ARSL: variants seen among roughly 807,000 people sequenced by gnomAD.
ARSL encodes the protein arylsulfatase L.
A neutral mutation model predicts 31.1 loss-of-function variants in ARSL; 4 were observed. The ratio of observed to expected loss-of-function variants is 0.13; its 90% CI spans 0.06 to 0.29. ARSL has a LOEUF of 0.29. ARSL is among the 10% of genes least tolerant of loss of function. The pLI is 1.00. For synonymous variants in ARSL, 198 were observed against 209.9 expected, an observed-to-expected ratio of 0.94 and a Z score of 0.49; for missense variants, 312 against 497.8, an observed-to-expected ratio of 0.63 and a Z score of 3.55.
intron 4 of ARSL, among the ~76,000 whole-genome samples, chrX:2,953,922 T>C (rs1192906349): frequency 9.0e-6 from 1 of 111,065 alleles, no homozygotes; most frequent in Non-Finnish European, 1.9e-5. Flanking sequence ...GGTCTCACTA[T>C]GTTGCCCAGG....
At chrX:2,962,207 G>A (rs772126653) in intron 1 of ARSL, among the ~76,000 whole-genome samples, 47 of 111,678 alleles carry the variant, frequency 4.2e-4, no homozygotes, top group Non-Finnish European at 8.1e-4. Context: ...TTGGGCACAC[G>A]TTCTTGGGTC....
intron 6 of ARSL, 91 bp downstream of exon 6, chrX:2,949,213 G>A (rs1256299721): frequency 1.4e-5 from 15 of 1,090,417 alleles, no homozygotes; most frequent in East Asian, 3.0e-5. Flanking sequence ...TTACAGGAAT[G>A]AGCCACCATG....
At chrX:2,936,683 CT>C in intron 10 of ARSL, 58 bp downstream of exon 10, 1 of 1,198,771 alleles carries the variant, frequency 8.3e-7, no homozygotes, top group Non-Finnish European at 1.1e-6. Flanking sequence ...GGGCATGGTG[CT>C]TTCCTGCACA....
intron 3 of ARSL, among the ~76,000 whole-genome samples, chrX:2,957,020 G>C (rs2089533565): frequency 9.4e-6 from 1 of 106,419 alleles, no homozygotes; most frequent in Admixed American, 1.0e-4. Context: ...AGGAGATTGA[G>C]ACCATCCTGG....
At position 2,949,224 on chromosome X, in the gene ARSL, C is replaced by A. The variant is rs142921008; in HGVS notation, c.854+80G>T. 5.3e-3 allele frequency: 6,019 copies of A among 1,129,843 alleles called. 33 individuals are homozygous for A. The highest frequency in any genetic ancestry group is 0.04 in the East Asian group (1,321 of 33,209). 93.1% of individuals were successfully genotyped at this position (1,129,843 alleles called of 1,213,427 possible). The stretch of plus-strand genomic sequence containing the variant: ...GGGATTACAGGAATGAGCCACCATG[C>A]CTGACTGAAGAAGACTATTTAGGAT... On this transcript the variant is annotated intron_variant, in intron 6 of 10. Coordinates refer to ENST00000381134, the MANE Select transcript of ARSL (RefSeq NM_000047.3).
chrX:2,946,020 T>C lies in ARSL; in HGVS notation c.969A>G (p.Val323=). The change falls in exon 7 of 11, where the codon GTA becomes GTG. Residue 323 remains valine, a synonymous_variant. Transcript: ENST00000381134. The part of the protein sequence containing the change: ...KSLHGLYGDN[V]EEMDWMVGRI... The stretch of plus-strand genomic sequence containing the variant: ...TACCTACCATCCAGTCCATCTCCTC[T>C]ACGTTGTCCCCATACAGCCCGTGGA... The C allele has an allele frequency of 1.7e-6, 2 of 1,211,472 alleles. No individual in the cohort carries two copies. Among genetic ancestry groups the C allele is most frequent in the Non-Finnish European group, 2.2e-6 (2 of 895,316 alleles).
At chrX:2,959,959 GAA>G in intron 2 of ARSL, 1 of 209,906 alleles carries the variant, frequency 4.8e-6, no homozygotes, top group Non-Finnish European at 8.5e-6. Flanking sequence ...AAGAAAGAAA[GAA>G]AGAAAGAGAA....
upstream of ARSL, among the ~76,000 whole-genome samples, chrX:2,966,076 C>A (rs1006242273): frequency 8.9e-6 from 1 of 112,065 alleles, no homozygotes; most frequent in African/African-American, 3.2e-5. Context: ...TGTCTCTTCG[C>A]AACTTCATAT....
At chrX:2,960,512 G>A in intron 1 of ARSL, 92 bp from the exon 2 acceptor site, 2 of 886,892 alleles carry the variant, frequency 2.3e-6, no homozygotes, top group Non-Finnish European at 3.2e-6. Flanking sequence ...GGGGAACTTT[G>A]ATTCCCGTTC....
chrX:2,950,189 G>C (rs2089443259), intron 5 of ARSL, among the ~76,000 whole-genome samples: 1 of 111,027 alleles, frequency 9.0e-6, no homozygotes, highest in Non-Finnish European at 1.9e-5. Flanking sequence ...GTTGTCCTCT[G>C]TGTGTGTCTG....
chrX:2,940,013 G>A (rs1339635215), intron 8 of ARSL, among the ~76,000 whole-genome samples: 19 of 108,425 alleles, frequency 1.8e-4, no homozygotes, highest in Admixed American at 1.6e-3. Context: ...GATTACAGGC[G>A]TGCACCACCA....
chrX:2,935,384 G>A (rs1257084028), intron 10 of ARSL, among the ~76,000 whole-genome samples, 194 bp from the exon 11 acceptor site: 1 of 112,307 alleles, frequency 8.9e-6, no homozygotes, highest in Non-Finnish European at 1.9e-5. Flanking sequence ...GACACAGGCT[G>A]CAACATCAAC....
chrX:2,966,204 C>T (rs888192952), upstream of ARSL, among the ~76,000 whole-genome samples: 4 of 111,412 alleles, frequency 3.6e-5, no homozygotes, highest in Admixed American at 2.9e-4. Flanking sequence ...TGGCACACTC[C>T]AGCCTGACTC....
At chrX:2,964,010 G>C (rs1212138901) in intron 1 of ARSL, among the ~76,000 whole-genome samples, 2 of 111,556 alleles carry the variant, frequency 1.8e-5, no homozygotes, top group East Asian at 5.6e-4. Context: ...GCCTGCCCAA[G>C]GCCTCTCCTG....
At chrX:2,968,156 G>A (rs2089712703), upstream of ARSL, 11 of 1,153,410 alleles carry the variant, frequency 9.5e-6, no homozygotes, top group Admixed American at 5.2e-5. Context: ...TACCTGACAT[G>A]CAGCTGTGTA....
chrX:2,960,525 G>T, intron 1 of ARSL, 105 bp from the exon 2 acceptor site: 1 of 742,964 alleles, frequency 1.3e-6, no homozygotes, highest in Non-Finnish European at 2.0e-6. Context: ...TCCCGTTCAT[G>T]ATATCAATAG....
intron 6 of ARSL, among the ~76,000 whole-genome samples, chrX:2,949,081 G>GC (rs1222719948): frequency 9.1e-6 from 1 of 110,011 alleles, no homozygotes; most frequent in East Asian, 2.9e-4. Flanking sequence ...CACCTGTAAA[G>GC]CCCCACATTG....
At chrX:2,938,070 A>T (rs2089227706) in intron 9 of ARSL, 25 bp downstream of exon 9, 5 of 1,211,076 alleles carry the variant, frequency 4.1e-6, no homozygotes, top group Non-Finnish European at 4.5e-6. Context: ...GCAAAGCTGA[A>T]TTGTTTCTTT....
At chrX:2,962,173 A>G (rs1262122139) in intron 1 of ARSL, among the ~76,000 whole-genome samples, 1 of 111,432 alleles carries the variant, frequency 9.0e-6, no homozygotes, top group Non-Finnish European at 1.9e-5. Flanking sequence ...TAAAATGTAT[A>G]AAACAAGCTG....
Sources: allele counts gnomAD v4.1 joint callset (sites outside exome capture counted in the v4.1 genomes callset), GRCh38; gene constraint gnomAD v4.1.1; transcripts MANE v1.5; gene names NCBI Gene and HGNC (gene_info 2026-07-23, HGNC 2026-07-21).